The following ADGRA3 variants were observed in gnomAD, a reference collection of about 807,000 sequenced individuals.
ADGRA3 encodes G-protein coupled receptor 125.
A neutral mutation model predicts 119.8 loss-of-function variants in ADGRA3; 56 were observed. The observed-to-expected ratio is 0.47, with a 90% CI of 0.38 to 0.58. ADGRA3 has a LOEUF of 0.58. Among genes scored for constraint, ADGRA3 ranks in the 20% least tolerant of loss-of-function variants. The probability of loss-of-function intolerance (pLI) is 0.00; values close to 1 mark genes in which losing one functional copy is unlikely to be tolerated. For missense variants in ADGRA3, 1,516 were observed against 1,649.0 expected (o/e 0.92, Z 1.40); for synonymous variants, 607 against 623.8 (o/e 0.97, Z 0.40).
rs1713881888 is a variant in ADGRA3, at chr4:22,387,628, G to C, written c.*77C>G. 1.4e-6 allele frequency: 2 copies of C among 1,422,646 alleles called. No homozygotes were observed. The highest frequency in any genetic ancestry group is 4.6e-5 in the Admixed American group (2 of 43,456). 88.1% of individuals were successfully genotyped at this position (1,422,646 alleles called of 1,614,324 possible). On this transcript the variant is annotated 3_prime_UTR_variant, in exon 19 of 19. Transcript: ENST00000334304. ...TGAATCCCTATGGTGGCTGTAAACA[G>C]TTTTTAAATGCTCATAGCTTCAAGG...
chr4:22,503,083 A>AACAGGAGGTAGG (rs1386161249), intron 1 of ADGRA3, among the ~76,000 whole-genome samples: 1 of 152,140 alleles, frequency 6.6e-6, no homozygotes, highest in East Asian at 1.9e-4. Context: ...AATGCAAGCA[A>AACAGGAGGTAGG]ACAGGAGGTA....
chr4:22,426,597 C>T (rs1715942283), intron 10 of ADGRA3, among the ~76,000 whole-genome samples: 1 of 152,134 alleles, frequency 6.6e-6, no homozygotes, highest in African/African-American at 2.4e-5. Context: ...AAATGCAAAA[C>T]AAGCATATAA....
In ADGRA3 at chr4:22,455,237, A is replaced by C. The variant is rs554891532; in HGVS notation, c.402-300T>G. ...AACTGGAGTAGTAAAAATGAGACTC[A>C]AACTATTTTGCTGCCTGCAATACAA... On this transcript the variant is annotated intron_variant, in intron 3 of 18. Coordinates refer to ENST00000334304, the MANE Select transcript of ADGRA3 (RefSeq NM_145290.4). Among the ~76,000 whole-genome samples, 20 of 152,336 alleles carry C rather than the reference A, an allele frequency of 1.3e-4. No individual in the cohort carries two copies. The South Asian group carries it at 3.3e-3, about 25-fold the overall frequency.
intron 4 of ADGRA3, among the ~76,000 whole-genome samples, chr4:22,450,950 AAAT>A (rs1302512976): frequency 0.015 from 1,858 of 121,226 alleles, 17 homozygotes; most frequent in African/African-American, 0.033. Context: ...AAAAAAAAAA[AAAT>A]ATATATATAT....
chr4:22,452,230 G>C lies in ADGRA3; in HGVS notation c.473+2636C>G, dbSNP rs538704395. Among the ~76,000 whole-genome samples, 10 of 152,264 alleles carry C rather than the reference G, an allele frequency of 6.6e-5. No individual in the cohort carries two copies. In the East Asian group the frequency reaches 1.9e-3, roughly 29 times the overall value. On this transcript the variant is annotated intron_variant, in intron 4 of 18. Coordinates refer to ENST00000334304, the MANE Select transcript of ADGRA3 (RefSeq NM_145290.4). ...CATTTAGAAAATCCACAATAGGAAT[G>C]ATAGACAGTGGAAAATCACATGCAT...
At chr4:22,444,727 G>C (rs1408990326) in intron 6 of ADGRA3, among the ~76,000 whole-genome samples, 1 of 151,830 alleles carries the variant, frequency 6.6e-6, no homozygotes, top group Non-Finnish European at 1.5e-5. Flanking sequence ...CTTTGAAATT[G>C]GTTTGCATAA....
At chr4:22,502,233 T>C (rs569313100) in intron 1 of ADGRA3, among the ~76,000 whole-genome samples, 1 of 152,246 alleles carries the variant, frequency 6.6e-6, no homozygotes, top group East Asian at 1.9e-4. Flanking sequence ...CCAAATGCAA[T>C]AATTAGTAAG....
intron 10 of ADGRA3, among the ~76,000 whole-genome samples, chr4:22,427,970 T>C (rs1841825): frequency 0.62 from 94,836 of 152,016 alleles, 31,611 homozygotes; most frequent in Non-Finnish European, 0.74. Flanking sequence ...TGCACCACAT[T>C]AATGGCAATG....
Position 22,515,938 on chromosome 4 carries a change from T to C in ADGRA3, c.-154A>G, listed in dbSNP as rs553786241. On this transcript the variant is annotated 5_prime_UTR_variant, in exon 1 of 19. Transcript: ENST00000334304. Reference sequence around the variant, plus strand: ...CCTTCCCCGGCGCGGACATGCTCCTTTGTCCGCTGCGGCTGCGCTGGGCCT... The same window carrying C: ...CCTTCCCCGGCGCGGACATGCTCCTCTGTCCGCTGCGGCTGCGCTGGGCCT... 0.012 allele frequency: 3,808 copies of C among 327,434 alleles called. 40 individuals are homozygous for C. The highest frequency in any genetic ancestry group is 0.013 in the Non-Finnish European group (2,893 of 228,884). The allele number at this position is 327,434 out of a possible 1,614,324, so 20.3% of individuals were successfully genotyped here.
At chr4:22,503,018 G>A (rs777547227) in intron 1 of ADGRA3, among the ~76,000 whole-genome samples, 1 of 151,848 alleles carries the variant, frequency 6.6e-6, no homozygotes, top group South Asian at 2.1e-4. Flanking sequence ...CTACAATCTA[G>A]TAGGAGAACT....
intron 4 of ADGRA3, among the ~76,000 whole-genome samples, chr4:22,451,572 T>C (rs1317853948): frequency 6.6e-6 from 1 of 151,476 alleles, no homozygotes; most frequent in Non-Finnish European, 1.5e-5. Flanking sequence ...CCATGTCTAC[T>C]AAGGCCTCTG....
At chr4:22,503,187 T>A (rs1212342663) in intron 1 of ADGRA3, among the ~76,000 whole-genome samples, 4 of 152,212 alleles carry the variant, frequency 2.6e-5, no homozygotes, top group African/African-American at 9.6e-5. Flanking sequence ...GAATTCTAAC[T>A]GCATCTTAGG....
chr4:22,414,892 G>A (rs904751579), intron 12 of ADGRA3, among the ~76,000 whole-genome samples: 1 of 152,138 alleles, frequency 6.6e-6, no homozygotes, highest in Non-Finnish European at 1.5e-5. Flanking sequence ...TTGAATTGGT[G>A]TAACGGAAAG....
At chr4:22,503,909 A>T (rs1719141518) in intron 1 of ADGRA3, among the ~76,000 whole-genome samples, 1 of 152,134 alleles carries the variant, frequency 6.6e-6, no homozygotes, top group African/African-American at 2.4e-5. Flanking sequence ...TCTTGTGTGG[A>T]GACATCTTAG....
In ADGRA3 at chr4:22,420,895, C is replaced by G; in HGVS notation, c.1800G>C (p.Leu600=). 1 of 1,613,656 alleles carries G rather than the reference C, an allele frequency of 6.2e-7. No individual in the cohort carries two copies. The highest frequency in any genetic ancestry group is 8.5e-7 in the Non-Finnish European group (1 of 1,179,648). Residue 600 remains leucine, a synonymous_variant, in exon 12 of 19, where the codon CTG becomes CTC. Coordinates refer to ENST00000334304, the MANE Select transcript of ADGRA3 (RefSeq NM_145290.4). The part of the protein sequence containing the change: ...KCNVSNTFSS[L]ALKNTIVEAS... The stretch of plus-strand genomic sequence containing the variant: ...GCAGAATGTAACATACCTTTAGTGC[C>G]AGACTCGAAAATGTATTTGAAACAT...
intron 16 of ADGRA3, among the ~76,000 whole-genome samples, chr4:22,401,199 A>T (rs1276573735): frequency 1.3e-5 from 2 of 152,206 alleles, no homozygotes; most frequent in Admixed American, 6.5e-5. Flanking sequence ...ATAACGTGTA[A>T]CACTAAATTC....
chr4:22,443,099 C>T (rs1330545032), intron 6 of ADGRA3: 1 of 681,894 alleles, frequency 1.5e-6, no homozygotes. Context: ...TATTCCTCTT[C>T]AGTGGCATCC....
intron 5 of ADGRA3, 25 bp downstream of exon 5, chr4:22,447,415 A>C: frequency 7.4e-7 from 1 of 1,356,228 alleles, no homozygotes. Flanking sequence ...CAAAAAAAAA[A>C]AGAGAGAAAA....
chr4:22,463,739 T>C (rs1009975681), intron 2 of ADGRA3, among the ~76,000 whole-genome samples: 2 of 152,212 alleles, frequency 1.3e-5, no homozygotes, highest in Non-Finnish European at 2.9e-5. Flanking sequence ...TGGTTACTAG[T>C]TGGATTCCCC....
Sources: gnomAD v4.1 joint callset for allele counts (sites outside exome capture counted in the v4.1 genomes callset) on GRCh38, gnomAD v4.1.1 for gene constraint, MANE v1.5 for transcripts, NCBI Gene and HGNC (gene_info 2026-07-23, HGNC 2026-07-21) for gene names.